The following PPP2R2B variants were observed in gnomAD, a reference collection of about 807,000 sequenced individuals.
PPP2R2B encodes the protein serine/threonine-protein phosphatase 2A 55 kDa regulatory subunit B beta isoform.
PPP2R2B carries 5 observed loss-of-function variants against 46.0 expected under a neutral mutation model. The ratio of observed to expected loss-of-function variants is 0.11; its 90% CI spans 0.06 to 0.23. PPP2R2B has a LOEUF of 0.23. Ranked by LOEUF, PPP2R2B falls within the 10% of genes least tolerant of loss-of-function variation. PPP2R2B has a pLI of 1.00. For synonymous variants in PPP2R2B, 215 were observed against 206.7 expected, an observed-to-expected ratio of 1.04 and a Z score of -0.34; for missense variants, 367 against 575.0, an observed-to-expected ratio of 0.64 and a Z score of 3.70.
At chr5:146,609,584 G>A (rs974905345) in intron 7 of PPP2R2B, among the ~76,000 whole-genome samples, 3 of 150,934 alleles carry the variant, frequency 2.0e-5, no homozygotes, top group African/African-American at 7.3e-5. Flanking sequence ...TGAGGTACCG[G>A]GTTCATCTCA....
chr5:146,880,049 G>C (rs1415019909), upstream of PPP2R2B, among the ~76,000 whole-genome samples: 1 of 152,114 alleles, frequency 6.6e-6, no homozygotes, highest in Non-Finnish European at 1.5e-5. Flanking sequence ...ACTGAGGTTG[G>C]GAATTGTCAT....
intron 2 of PPP2R2B, among the ~76,000 whole-genome samples, chr5:146,776,052 C>A (rs1755160916): frequency 6.6e-6 from 1 of 151,982 alleles, no homozygotes; most frequent in African/African-American, 2.4e-5. Flanking sequence ...AATGCTGCCC[C>A]AATGTGGTAT....
exon 1 of PPP2R2B, chr5:147,081,396 G>A (rs1757963691): frequency 8.2e-7 from 1 of 1,225,534 alleles, no homozygotes; most frequent in African/African-American, 1.5e-5. Flanking sequence ...GGAGCAATTG[G>A]AGTTTGTCCC....
At chr5:146,672,118 A>G (rs1270629148) in intron 5 of PPP2R2B, among the ~76,000 whole-genome samples, 1 of 152,234 alleles carries the variant, frequency 6.6e-6, no homozygotes, top group African/African-American at 2.4e-5. Context: ...AATGTGCCAA[A>G]AAGAAAGACA....
rs1287600889 is a variant in PPP2R2B, at chr5:146,588,705, C to A, written c.*1242G>T. ...TCAACTGGGGAAAAGGATGAACCAT[C>A]TTCCACAGCTTCAAGTGGACTTCAT... On this transcript the variant is annotated 3_prime_UTR_variant, in exon 10 of 10. Transcript: ENST00000394411. 2 of 151,064 alleles carry A rather than the reference C, an allele frequency of 1.3e-5. No individual in the cohort carries two copies. Among genetic ancestry groups the A allele is most frequent in the Non-Finnish European group, 2.9e-5 (2 of 68,036 alleles). 9.4% of individuals were successfully genotyped at this position (151,064 alleles called of 1,614,324 possible).
intron 2 of PPP2R2B, among the ~76,000 whole-genome samples, chr5:146,809,000 C>CAT (rs1757367139): frequency 1.4e-5 from 2 of 145,706 alleles, no homozygotes; most frequent in South Asian, 4.3e-4. Context: ...TGTGTGCGCG[C>CAT]GCACCCACTT....
chr5:146,598,930 A>G (rs1479818687), intron 8 of PPP2R2B, among the ~76,000 whole-genome samples: 2 of 152,186 alleles, frequency 1.3e-5, no homozygotes, highest in Non-Finnish European at 2.9e-5. Flanking sequence ...GTTTGTGAGT[A>G]AACTAAGATC....
intron 2 of PPP2R2B, among the ~76,000 whole-genome samples, chr5:146,849,568 A>G (rs1582263716): frequency 6.6e-6 from 1 of 152,202 alleles, no homozygotes; most frequent in East Asian, 1.9e-4. Flanking sequence ...ATAAATTTGC[A>G]AATGTTACAA....
chr5:146,891,081 G>T (rs1762478847), intron 1 of PPP2R2B, among the ~76,000 whole-genome samples: 1 of 152,144 alleles, frequency 6.6e-6, no homozygotes, highest in Non-Finnish European at 1.5e-5. Flanking sequence ...AATAAAAGTG[G>T]CTGTCACAGA....
chr5:146,861,486 C>T (rs555092411), intron 2 of PPP2R2B, among the ~76,000 whole-genome samples: 6 of 152,288 alleles, frequency 3.9e-5, no homozygotes, highest in Middle Eastern at 3.4e-3. Context: ...CCACCGCGCC[C>T]GTCGTCAAAC....
At chr5:146,861,861 T>G (rs1474164057) in intron 2 of PPP2R2B, among the ~76,000 whole-genome samples, 3 of 151,768 alleles carry the variant, frequency 2.0e-5, no homozygotes, top group Non-Finnish European at 4.4e-5. Flanking sequence ...GCATTGTTTT[T>G]TTTTTTTTTT....
chr5:146,766,202 T>C (rs867781640), intron 2 of PPP2R2B, among the ~76,000 whole-genome samples: 66 of 152,330 alleles, frequency 4.3e-4, no homozygotes, highest in African/African-American at 1.6e-3. Context: ...CTGTACCACA[T>C]ACTTAGTAGT....
chr5:146,982,474 G>A (rs1753221884), intron 1 of PPP2R2B, among the ~76,000 whole-genome samples: 1 of 152,066 alleles, frequency 6.6e-6, no homozygotes, highest in Non-Finnish European at 1.5e-5. Flanking sequence ...TATGGTCTAG[G>A]TCCCACAGGC....
chr5:146,850,280 C>A lies in PPP2R2B; in HGVS notation c.70+27722G>T, dbSNP rs189117070. Among the ~76,000 whole-genome samples, 16 of 152,260 alleles carry A rather than the reference C, an allele frequency of 1.1e-4. No individual in the cohort carries two copies. The East Asian group carries it at 2.9e-3, about 28-fold the overall frequency. ...GAGTAAATCACGTGTCTCTTTAGAT[C>A]TATTCTAGACCCTTTCCAATCTATT... On this transcript the variant is annotated intron_variant, in intron 2 of 9. Transcript: ENST00000394411.
upstream of PPP2R2B, among the ~76,000 whole-genome samples, chr5:147,058,271 GC>G (rs1463804348): frequency 6.6e-6 from 1 of 152,180 alleles, no homozygotes; most frequent in Non-Finnish European, 1.5e-5. Flanking sequence ...GTGGATTTGA[GC>G]CTATCATAAA....
At chr5:147,009,528 C>T (rs938336163) in intron 1 of PPP2R2B, among the ~76,000 whole-genome samples, 17 of 151,826 alleles carry the variant, frequency 1.1e-4, no homozygotes, top group African/African-American at 3.4e-4. Flanking sequence ...AATAATAAGA[C>T]GAAGGATGAG....
intron 1 of PPP2R2B, among the ~76,000 whole-genome samples, chr5:146,900,172 GTAT>G (rs1373458978): frequency 6.6e-6 from 1 of 152,154 alleles, no homozygotes; most frequent in Non-Finnish European, 1.5e-5. Flanking sequence ...TTTAAAGGAA[GTAT>G]TATTTTTGCC....
At chr5:146,930,365 G>A (rs1188897864) in intron 1 of PPP2R2B, among the ~76,000 whole-genome samples, 1 of 152,166 alleles carries the variant, frequency 6.6e-6, no homozygotes, top group East Asian at 1.9e-4. Flanking sequence ...GTGGAGTGCT[G>A]GAGAAAAATA....
At chr5:146,971,747 G>A (rs1189063992) in intron 1 of PPP2R2B, among the ~76,000 whole-genome samples, 1 of 151,994 alleles carries the variant, frequency 6.6e-6, no homozygotes, top group African/African-American at 2.4e-5. Flanking sequence ...CAACATATTA[G>A]GTTATCAAAC....
Sources: gnomAD v4.1 joint callset for allele counts (sites outside exome capture counted in the v4.1 genomes callset) on GRCh38, gnomAD v4.1.1 for gene constraint, MANE v1.5 for transcripts, NCBI Gene and HGNC (gene_info 2026-07-23, HGNC 2026-07-21) for gene names.